The following TECRL variants were observed in gnomAD, a reference collection of about 807,000 sequenced individuals.
TECRL encodes the protein trans-2,3-enoyl-CoA reductase like, also known as trans-2,3-enoyl-CoA reductase-like.
A neutral mutation model predicts 52.8 loss-of-function variants in TECRL; 63 were observed. That is an observed-to-expected ratio of 1.19 (90% CI 0.97 to 1.47). The LOEUF (loss-of-function observed/expected upper bound fraction) is 1.47, where lower values mean the gene tolerates loss of function less well. Ranked by LOEUF, TECRL falls within the 40% of genes most tolerant of loss-of-function variation. The pLI is 0.00. For missense variants in TECRL, 482 were observed against 429.6 expected, an observed-to-expected ratio of 1.12 and a Z score of -1.08; for synonymous variants, 164 against 141.9, an observed-to-expected ratio of 1.16 and a Z score of -1.10.
At chr4:64,312,596 T>C (rs1455016800) in intron 5 of TECRL, among the ~76,000 whole-genome samples, 8 of 151,960 alleles carry the variant, frequency 5.3e-5, no homozygotes, top group Non-Finnish European at 1.0e-4. Context: ...ACTTCATCTC[T>C]AAAATTTTTT....
At chr4:64,321,816 G>A (rs1342809321) in intron 4 of TECRL, among the ~76,000 whole-genome samples, 5 of 152,030 alleles carry the variant, frequency 3.3e-5, no homozygotes, top group Admixed American at 3.3e-4. Flanking sequence ...ATTTTCACAG[G>A]CTGAAGGAAG....
intron 2 of TECRL, among the ~76,000 whole-genome samples, chr4:64,366,374 T>C (rs1467802998): frequency 6.6e-6 from 1 of 152,028 alleles, no homozygotes; most frequent in Non-Finnish European, 1.5e-5. Flanking sequence ...ATGACAAAGA[T>C]GCCAAAAGCA....
intron 1 of TECRL, among the ~76,000 whole-genome samples, chr4:64,403,744 A>C (rs141976216): frequency 1.4e-4 from 21 of 151,880 alleles, no homozygotes; most frequent in African/African-American, 4.8e-4. Context: ...TTCTTATATC[A>C]TGAAACACCA....
At chr4:64,355,110 G>A (rs1009277508) in intron 2 of TECRL, among the ~76,000 whole-genome samples, 3 of 152,064 alleles carry the variant, frequency 2.0e-5, no homozygotes, top group Admixed American at 1.3e-4. Flanking sequence ...TTAGACTGGG[G>A]AAATCTTTAA....
chr4:64,319,862 C>T (rs1269214522), intron 4 of TECRL, among the ~76,000 whole-genome samples: 3 of 151,882 alleles, frequency 2.0e-5, no homozygotes, highest in African/African-American at 7.2e-5. Context: ...AAAATATTGT[C>T]TGAATCCTTT....
At chr4:64,330,875 A>G (rs555665573) in intron 2 of TECRL, among the ~76,000 whole-genome samples, 1 of 152,286 alleles carries the variant, frequency 6.6e-6, no homozygotes, top group South Asian at 2.1e-4. Context: ...ACCACATCCT[A>G]AAGATGAACA....
intron 1 of TECRL, among the ~76,000 whole-genome samples, chr4:64,379,969 C>T (rs1722667815): frequency 6.6e-6 from 1 of 151,978 alleles, no homozygotes; most frequent in South Asian, 2.1e-4. Context: ...TTCTGAGACA[C>T]TCTCTATTGT....
intron 1 of TECRL, among the ~76,000 whole-genome samples, chr4:64,396,048 C>T (rs925228658): frequency 6.6e-6 from 1 of 152,032 alleles, no homozygotes. Flanking sequence ...ATACATGTAT[C>T]ATGTTGACTA....
intron 1 of TECRL, among the ~76,000 whole-genome samples, chr4:64,390,309 C>T (rs546677725): frequency 2.0e-5 from 3 of 151,920 alleles, no homozygotes; most frequent in Admixed American, 2.0e-4. Flanking sequence ...GCTGTGTTCC[C>T]TCTCTGGGCA....
chr4:64,316,875 A>C (rs1284087776), intron 4 of TECRL, among the ~76,000 whole-genome samples: 1 of 152,194 alleles, frequency 6.6e-6, no homozygotes, highest in Non-Finnish European at 1.5e-5. Flanking sequence ...GTATTAAACT[A>C]ATCTTCTGTT....
intron 1 of TECRL, among the ~76,000 whole-genome samples, chr4:64,390,720 T>C (rs140072372): frequency 1.3e-4 from 20 of 151,904 alleles, no homozygotes; most frequent in Admixed American, 4.6e-4. Context: ...AGAATAAATC[T>C]ACTGACGTAA....
At chr4:64,397,544 G>T (rs1724038497) in intron 1 of TECRL, 1 of 151,362 alleles carries the variant, frequency 6.6e-6, no homozygotes, top group Non-Finnish European at 1.5e-5. Flanking sequence ...GACTACTTCA[G>T]CCATGTGAAT....
At chr4:64,330,225 A>G (rs903391463) in intron 2 of TECRL, among the ~76,000 whole-genome samples, 1 of 152,096 alleles carries the variant, frequency 6.6e-6, no homozygotes, top group Non-Finnish European at 1.5e-5. Context: ...ACAAATTTAC[A>G]GAAATAAAAC....
chr4:64,396,537 T>C (rs2093469989), intron 1 of TECRL, among the ~76,000 whole-genome samples: 1 of 152,174 alleles, frequency 6.6e-6, no homozygotes. Context: ...TTAAGTTCCT[T>C]ATAGATCTTG....
intron 9 of TECRL, among the ~76,000 whole-genome samples, chr4:64,284,308 G>A (rs929404874): frequency 6.6e-6 from 1 of 152,020 alleles, no homozygotes; most frequent in Non-Finnish European, 1.5e-5. Flanking sequence ...AAGTGCCTTA[G>A]AGAAATAGGA....
chr4:64,319,080 A>G (rs1717706616), intron 4 of TECRL, among the ~76,000 whole-genome samples: 1 of 151,918 alleles, frequency 6.6e-6, no homozygotes, highest in Non-Finnish European at 1.5e-5. Context: ...AAAAATGTAT[A>G]TTAGCATTTA....
chr4:64,329,204 C>A (rs1481059074), intron 2 of TECRL, among the ~76,000 whole-genome samples: 1 of 151,908 alleles, frequency 6.6e-6, no homozygotes, highest in Non-Finnish European at 1.5e-5. Context: ...CAGAATATAA[C>A]TTTATCTTAA....
chr4:64,302,107 C>T (rs1459844511), intron 7 of TECRL, among the ~76,000 whole-genome samples: 1 of 151,038 alleles, frequency 6.6e-6, no homozygotes, highest in East Asian at 1.9e-4. Flanking sequence ...ATGTTCCTGC[C>T]ATTGGGCAGT....
intron 1 of TECRL, 55 bp downstream of exon 1, chr4:64,409,063 G>A (rs1724919163): frequency 1.5e-6 from 2 of 1,370,096 alleles, no homozygotes; most frequent in Non-Finnish European, 2.0e-6. Flanking sequence ...ATAATATTTG[G>A]GGCAGAGAAG....
Sources: gnomAD v4.1 joint callset for allele counts (sites outside exome capture counted in the v4.1 genomes callset) on GRCh38, gnomAD v4.1.1 for gene constraint, MANE v1.5 for transcripts, NCBI Gene and HGNC (gene_info 2026-07-23, HGNC 2026-07-21) for gene names.